Variants in CNTN5 observed in about 807,000 individuals in gnomAD.
CNTN5 encodes contactin 5, also known as contactin-5.
CNTN5 carries 77 observed loss-of-function variants against 129.1 expected under a neutral mutation model. The ratio of observed to expected loss-of-function variants is 0.60; its 90% confidence interval spans 0.50 to 0.72. The LOEUF (loss-of-function observed/expected upper bound fraction) is 0.72. Among genes scored for constraint, CNTN5 ranks in the 30% least tolerant of loss-of-function variants. The pLI is 0.00. For missense variants in CNTN5, 1,478 were observed against 1,328.8 expected (o/e 1.11, Z -1.75); for synonymous variants, 509 against 465.6 (o/e 1.09, Z -1.20).
At position 99,810,857 on chromosome 11, in the gene CNTN5, G is replaced by T. The variant is rs536784696; in HGVS notation, c.56-8687G>T. On this transcript the variant is annotated intron_variant, in intron 3 of 24. Transcript: ENST00000524871. Reference sequence around the variant, plus strand: ...GATGCCAAATGGAGTCACACTGCAGGCTTGGATATTGTATGTCTTCTGTTT... The same window carrying T: ...GATGCCAAATGGAGTCACACTGCAGTCTTGGATATTGTATGTCTTCTGTTT... 3.3e-5 allele frequency among the ~76,000 whole-genome samples: 5 copies of T among 152,110 alleles called. No homozygotes were observed. In the East Asian group the frequency reaches 9.7e-4, roughly 29 times the overall value.
intron 9 of CNTN5, among the ~76,000 whole-genome samples, chr11:100,044,255 A>G (rs780086302): frequency 1.3e-5 from 2 of 152,060 alleles, no homozygotes; most frequent in African/African-American, 4.8e-5. Flanking sequence ...TTGATTCCAT[A>G]TCTTTGTTAT....
At chr11:100,023,166 G>A (rs1381712371) in intron 9 of CNTN5, among the ~76,000 whole-genome samples, 1 of 152,116 alleles carries the variant, frequency 6.6e-6, no homozygotes, top group African/African-American at 2.4e-5. Context: ...GTTCAACGAT[G>A]CTGTGATCAT....
chr11:99,724,878 GA>G (rs1943287029), intron 3 of CNTN5, among the ~76,000 whole-genome samples: 1 of 151,988 alleles, frequency 6.6e-6, no homozygotes, highest in African/African-American at 2.4e-5. Flanking sequence ...TGCCTATTAA[GA>G]AAAAAATGTA....
At chr11:99,400,360 G>A (rs986979146) in intron 2 of CNTN5, among the ~76,000 whole-genome samples, 3 of 152,068 alleles carry the variant, frequency 2.0e-5, no homozygotes, top group African/African-American at 7.2e-5. Context: ...GGACTGAAGG[G>A]TGAGTTCTAT....
intron 1 of CNTN5, among the ~76,000 whole-genome samples, chr11:99,282,828 A>G (rs184797858): frequency 4.1e-4 from 62 of 152,196 alleles, no homozygotes; most frequent in Non-Finnish European, 7.1e-4. Flanking sequence ...TTCAGCTCAC[A>G]GTAATGTCAG....
rs969694215 is a variant in CNTN5, at chr11:99,377,592, C to T, written c.-71+52108C>T. 5.9e-5 allele frequency among the ~76,000 whole-genome samples: 9 copies of T among 152,176 alleles called. No homozygotes were observed. The East Asian group carries it at 1.7e-3, about 29-fold the overall frequency. ...TAATTGGTTTCATCATTTAGACTTC[C>T]TTTAAAACAATCGCTGATATTGACA... On this transcript the variant is annotated intron_variant, in intron 2 of 24. Transcript: ENST00000524871.
chr11:100,076,669 T>C (rs931405707), intron 13 of CNTN5, among the ~76,000 whole-genome samples: 2 of 151,030 alleles, frequency 1.3e-5, no homozygotes, highest in Non-Finnish European at 3.0e-5. Flanking sequence ...GGCTAAAATG[T>C]AATTTTTTTT....
At chr11:100,073,570 A>T (rs185972522) in intron 12 of CNTN5, among the ~76,000 whole-genome samples, 134 of 152,116 alleles carry the variant, frequency 8.8e-4, no homozygotes, top group Middle Eastern at 6.9e-3. Flanking sequence ...AAATTATAGT[A>T]TACACAGTAT....
intron 7 of CNTN5, among the ~76,000 whole-genome samples, chr11:99,920,435 T>C (rs941309626): frequency 8.5e-5 from 13 of 152,288 alleles, no homozygotes; most frequent in African/African-American, 2.9e-4. Flanking sequence ...GACTCTGGCT[T>C]GTATGTATAT....
In CNTN5 at chr11:99,327,874, C is replaced by T. The variant is rs548282683; in HGVS notation, c.-71+2390C>T. Among the ~76,000 whole-genome samples the T allele has an allele frequency of 4.6e-5, 7 of 152,256 alleles. No homozygotes were observed. The South Asian group carries it at 1.5e-3, about 32-fold the overall frequency. On this transcript the variant is annotated intron_variant, in intron 2 of 24. Coordinates refer to ENST00000524871, the MANE Select transcript of CNTN5 (RefSeq NM_014361.4). ...GAGAATGAAATGTTTCACTCAATAA[C>T]TTATACAACTCATCCAGGAGACACT...
chr11:99,538,162 T>C (rs1461070549), intron 2 of CNTN5, among the ~76,000 whole-genome samples: 1 of 152,192 alleles, frequency 6.6e-6, no homozygotes, highest in African/African-American at 2.4e-5. Flanking sequence ...CAGTGTTCAA[T>C]GTAGTTTTAA....
At chr11:99,042,576 T>G (rs1185826913) in intron 1 of CNTN5, among the ~76,000 whole-genome samples, 1 of 151,830 alleles carries the variant, frequency 6.6e-6, no homozygotes, top group African/African-American at 2.4e-5. Flanking sequence ...GGGGTTTCAC[T>G]GTGTTAGCCA....
chr11:100,162,077 C>G (rs1947474681), intron 13 of CNTN5, among the ~76,000 whole-genome samples: 1 of 151,722 alleles, frequency 6.6e-6, no homozygotes, highest in Non-Finnish European at 1.5e-5. Context: ...AGGGAAGAGT[C>G]TGGGCTCAGG....
At chr11:99,230,503 T>C (rs1860936251) in intron 1 of CNTN5, among the ~76,000 whole-genome samples, 1 of 152,200 alleles carries the variant, frequency 6.6e-6, no homozygotes, top group Admixed American at 6.5e-5. Flanking sequence ...GTTTAACCTT[T>C]AATGAAGAGC....
chr11:99,032,749 T>G (rs1863463864), intron 1 of CNTN5, among the ~76,000 whole-genome samples: 1 of 149,768 alleles, frequency 6.7e-6, no homozygotes, highest in Non-Finnish European at 1.5e-5. Context: ...TTTCTTTTGC[T>G]GTGCAGAAGC....
chr11:99,809,169 C>A lies in CNTN5; in HGVS notation c.56-10375C>A, dbSNP rs78697759. 0.011 allele frequency among the ~76,000 whole-genome samples: 1,606 copies of A among 152,210 alleles called. 63 individuals carry two copies. In the East Asian group the frequency reaches 0.12, roughly 12 times the overall value. On this transcript the variant is annotated intron_variant, in intron 3 of 24. Transcript: ENST00000524871. Reference sequence around the variant, plus strand: ...CTATGGGGGAGAATGATGTCAGACCCTCTTAATGCTATATGCTTCTATTAA... The same window carrying A: ...CTATGGGGGAGAATGATGTCAGACCATCTTAATGCTATATGCTTCTATTAA...
chr11:99,595,506 A>G (rs1411444297), intron 3 of CNTN5, among the ~76,000 whole-genome samples: 1 of 152,148 alleles, frequency 6.6e-6, no homozygotes, highest in Non-Finnish European at 1.5e-5. Context: ...AAGTATCAAC[A>G]TGAAATATTA....
At chr11:99,926,052 C>T (rs948625512) in intron 7 of CNTN5, among the ~76,000 whole-genome samples, 4 of 152,114 alleles carry the variant, frequency 2.6e-5, no homozygotes, top group African/African-American at 9.7e-5. Context: ...TACCTCACAG[C>T]ATTGTTGTCA....
At chr11:99,332,405 G>C (rs567284751) in intron 2 of CNTN5, among the ~76,000 whole-genome samples, 17 of 151,990 alleles carry the variant, frequency 1.1e-4, no homozygotes, top group African/African-American at 4.1e-4. Flanking sequence ...TTTAAAGCTT[G>C]GTATTGTATC....
Sources: gnomAD v4.1 joint callset for allele counts (sites outside exome capture counted in the v4.1 genomes callset) on GRCh38, gnomAD v4.1.1 for gene constraint, MANE v1.5 for transcripts, NCBI Gene and HGNC (gene_info 2026-07-23, HGNC 2026-07-21) for gene names.